The following CCDC134 variants were observed in gnomAD, a reference collection of about 807,000 sequenced individuals.
CCDC134 encodes coiled-coil domain-containing protein 134.
Under a neutral mutation model 25.6 loss-of-function variants are expected in CCDC134, and 27 were observed. That is an observed-to-expected ratio of 1.05 (90% confidence interval 0.78 to 1.45). The LOEUF is 1.45. CCDC134 is among the 40% of genes most tolerant of loss of function. The probability of loss-of-function intolerance (pLI) is 0.00; values close to 1 mark genes in which losing one functional copy is unlikely to be tolerated. For missense variants in CCDC134, 261 were observed against 286.7 expected, an observed-to-expected ratio of 0.91 and a Z score of 0.65; for synonymous variants, 110 against 115.0, an observed-to-expected ratio of 0.96 and a Z score of 0.28.
intron 6 of CCDC134, among the ~76,000 whole-genome samples, chr22:41,814,869 C>T (rs991505710): frequency 3.3e-5 from 5 of 152,142 alleles, no homozygotes; most frequent in Non-Finnish European, 4.4e-5. Flanking sequence ...CTAACTCCCA[C>T]GGAGGTGACA....
At position 41,831,681 on chromosome 22, in the gene CCDC134, G is replaced by C. The variant is rs2076711875; in HGVS notation, c.*5858G>C. ...TCATCTTAAATGTCACTTCTTCAGA[G>C]GCTTCTTGACAGCACAAGTCAGGGC... On this transcript the variant is annotated 3_prime_UTR_variant, in exon 7 of 7. Coordinates refer to ENST00000255784, the MANE Select transcript of CCDC134 (RefSeq NM_024821.5). 1 of 152,178 alleles carries C rather than the reference G, an allele frequency of 6.6e-6. No homozygotes were observed. The highest frequency in any genetic ancestry group is 6.5e-5 in the Admixed American group (1 of 15,270). The allele number at this position is 152,178 out of a possible 1,614,324, so 9.4% of individuals were successfully genotyped here. A position where few individuals can be genotyped will look rare whatever the true frequency, so the allele number is the denominator to read the frequency against.
chr22:41,813,584 A>T, intron 5 of CCDC134, 139 bp downstream of exon 5: 1 of 1,221,626 alleles, frequency 8.2e-7, no homozygotes, highest in Non-Finnish European at 1.2e-6. Flanking sequence ...CTTGGGCCAC[A>T]GAGGCCCCAT....
In CCDC134 at chr22:41,826,915, A is replaced by T. The variant is rs2148323387; in HGVS notation, c.*1092A>T. Among the ~76,000 whole-genome samples the T allele has an allele frequency of 6.6e-6, 1 of 152,278 alleles. No individual in the cohort carries two copies. Among genetic ancestry groups the T allele is most frequent in the Admixed American group, 6.5e-5 (1 of 15,306 alleles). ...AAAGGAGCAGAGAAAACCATCCCAG[A>T]TCCCCTCGACACCCAGCCCCCTACC... is the stretch of plus-strand genomic sequence containing the variant. On this transcript the variant is annotated 3_prime_UTR_variant, in exon 7 of 7. Coordinates refer to ENST00000255784, the MANE Select transcript of CCDC134 (RefSeq NM_024821.5).
chr22:41,812,584 G>A (rs2076602339), intron 4 of CCDC134, among the ~76,000 whole-genome samples: 1 of 152,070 alleles, frequency 6.6e-6, no homozygotes, highest in Non-Finnish European at 1.5e-5. Flanking sequence ...GATCACTTGA[G>A]GCCAGGAGTT....
At chr22:41,815,015 C>T (rs906442817) in intron 6 of CCDC134, among the ~76,000 whole-genome samples, 2 of 151,952 alleles carry the variant, frequency 1.3e-5, no homozygotes, top group Non-Finnish European at 2.9e-5. Flanking sequence ...CCACACCGTT[C>T]GAGGTTGCTC....
intron 4 of CCDC134, among the ~76,000 whole-genome samples, chr22:41,811,354 G>A (rs979655181): frequency 3.3e-5 from 5 of 152,090 alleles, no homozygotes; most frequent in Admixed American, 6.6e-5. Flanking sequence ...ATGAGATGGT[G>A]GTCTCTACAC....
chr22:41,824,773 G>A (rs1016496554), intron 6 of CCDC134, among the ~76,000 whole-genome samples: 2 of 152,046 alleles, frequency 1.3e-5, no homozygotes, highest in Admixed American at 1.3e-4. Context: ...AAGAAGAAAA[G>A]AAAAGAAAAG....
rs1348678830 is a variant in CCDC134 at position 41,825,824 on chromosome 22, C to T, written c.*1C>T. 2.5e-6 allele frequency: 4 copies of T among 1,613,834 alleles called. No homozygotes were observed. Among genetic ancestry groups the T allele is most frequent in the African/African-American group, 1.3e-5 (1 of 74,918 alleles). Reference sequence around the variant, plus strand: ...CTCCAGATCCCAGTCTGAGTTATAGCCCTGGAGCAGCTCAGGGCTCAGGGG... The same window carrying T: ...CTCCAGATCCCAGTCTGAGTTATAGTCCTGGAGCAGCTCAGGGCTCAGGGG... On this transcript the variant is annotated 3_prime_UTR_variant, in exon 7 of 7. Transcript: ENST00000255784. The surrounding 1 kb of genome is among the most constrained non-coding windows in gnomAD (Gnocchi z 4.4).
chr22:41,820,934 C>T (rs540057761), intron 6 of CCDC134, among the ~76,000 whole-genome samples: 8 of 152,072 alleles, frequency 5.3e-5, no homozygotes, highest in South Asian at 4.2e-4. Flanking sequence ...TCTGGGGCAT[C>T]GGGCAGGTAG....
chr22:41,824,289 C>T (rs1236743673), intron 6 of CCDC134, among the ~76,000 whole-genome samples: 2 of 152,056 alleles, frequency 1.3e-5, no homozygotes, highest in African/African-American at 4.8e-5. Context: ...TCAGCCACAG[C>T]ACATGCAAAG....
At chr22:41,820,521 G>A (rs1261801126) in intron 6 of CCDC134, among the ~76,000 whole-genome samples, 2 of 152,192 alleles carry the variant, frequency 1.3e-5, no homozygotes, top group Admixed American at 6.5e-5. Flanking sequence ...GGACACAGGT[G>A]TGGAGGCTGC....
At chr22:41,824,456 C>G (rs1364524009) in intron 6 of CCDC134, among the ~76,000 whole-genome samples, 1 of 152,060 alleles carries the variant, frequency 6.6e-6, no homozygotes, top group Non-Finnish European at 1.5e-5. Flanking sequence ...GTGACATGCA[C>G]AGATTTACAT....
intron 6 of CCDC134, among the ~76,000 whole-genome samples, chr22:41,817,881 T>C (rs918901480): frequency 2.6e-5 from 4 of 152,094 alleles, no homozygotes; most frequent in South Asian, 4.2e-4. Flanking sequence ...AGGAGTGTCA[T>C]CCAAGCAAGG....
intron 1 of CCDC134, among the ~76,000 whole-genome samples, chr22:41,803,881 C>G (rs1050491933): frequency 6.6e-6 from 1 of 152,044 alleles, no homozygotes; most frequent in African/African-American, 2.4e-5. Context: ...CCTGTAATCC[C>G]AGCACTTTGG....
chr22:41,820,336 G>C (rs1206924506), intron 6 of CCDC134, among the ~76,000 whole-genome samples: 1 of 149,982 alleles, frequency 6.7e-6, no homozygotes. Context: ...TTTTGCTCTT[G>C]TTGCCCAGGC....
At chr22:41,816,607 G>T (rs536844899) in intron 6 of CCDC134, among the ~76,000 whole-genome samples, 7 of 152,214 alleles carry the variant, frequency 4.6e-5, no homozygotes, top group Non-Finnish European at 8.8e-5. Flanking sequence ...ATTGTTCCCT[G>T]CACTTTCTGG....
chr22:41,823,358 G>A (rs1014822453), intron 6 of CCDC134, among the ~76,000 whole-genome samples: 13 of 151,462 alleles, frequency 8.6e-5, no homozygotes, highest in Admixed American at 8.6e-4. Context: ...CAAAGTAGCC[G>A]GGAATACAGG....
At chr22:41,803,055 G>A (rs1208634077) in intron 1 of CCDC134, among the ~76,000 whole-genome samples, 6 of 151,574 alleles carry the variant, frequency 4.0e-5, no homozygotes, top group African/African-American at 4.8e-5. Flanking sequence ...TGGAGGTTGC[G>A]GTGAGCCGAG....
rs4822058 is a variant in CCDC134 at position 41,831,096 on chromosome 22, A to G, written c.*5273A>G. 0.12 allele frequency: 18,192 copies of G among 148,066 alleles called. 1,620 individuals carry two copies. Among genetic ancestry groups the G allele is most frequent in the Admixed American group, 0.32 (4,751 of 15,032 alleles). 9.2% of individuals were successfully genotyped at this position (148,066 alleles called of 1,614,324 possible). On this transcript the variant is annotated 3_prime_UTR_variant, in exon 7 of 7. Transcript: ENST00000255784. ...AGACGGGGTTTCACCAAGCTGGCCA[A>G]GCTGGTCTCGAACTCCCGACCTCAG...
Sources: allele counts gnomAD v4.1 joint callset (sites outside exome capture counted in the v4.1 genomes callset), GRCh38; gene constraint gnomAD v4.1.1; non-coding constraint Gnocchi (gnomAD v3.1); transcripts MANE v1.5; gene names NCBI Gene and HGNC (gene_info 2026-07-23, HGNC 2026-07-21).